The following SNTG2 variants were observed in gnomAD, a reference collection of about 807,000 sequenced individuals.
SNTG2 encodes syntrophin gamma 2, also known as gamma-2-syntrophin.
SNTG2 carries 74 observed loss-of-function variants against 70.9 expected under a neutral mutation model. That is an observed-to-expected ratio of 1.04 (90% CI 0.86 to 1.27). The LOEUF (loss-of-function observed/expected upper bound fraction) is 1.27, where lower values mean the gene tolerates loss of function less well. SNTG2 is among the 50% of genes most tolerant of loss of function. The pLI is 0.00. For synonymous variants in SNTG2, 278 were observed against 273.8 expected, an observed-to-expected ratio of 1.02 and a Z score of -0.15; for missense variants, 717 against 690.7, an observed-to-expected ratio of 1.04 and a Z score of -0.43.
chr2:1,351,188 C>T (rs1255345725), intron 16 of SNTG2, among the ~76,000 whole-genome samples: 3 of 151,804 alleles, frequency 2.0e-5, no homozygotes, highest in Non-Finnish European at 4.4e-5. Context: ...TCTGGAGCTA[C>T]GGTAAAGTGC....
chr2:976,346 G>A (rs1660905618), intron 1 of SNTG2, among the ~76,000 whole-genome samples: 1 of 152,204 alleles, frequency 6.6e-6, no homozygotes, highest in Non-Finnish European at 1.5e-5. Flanking sequence ...CCAGCACGCT[G>A]TGACATATCG....
chr2:1,008,135 A>G (rs920729721), intron 1 of SNTG2, among the ~76,000 whole-genome samples: 5 of 152,196 alleles, frequency 3.3e-5, no homozygotes, highest in Non-Finnish European at 5.9e-5. Flanking sequence ...AATAACTTAT[A>G]TTGAAGACAC....
At chr2:1,080,482 A>G (rs1015312863) in intron 1 of SNTG2, among the ~76,000 whole-genome samples, 2 of 151,910 alleles carry the variant, frequency 1.3e-5, no homozygotes, top group Non-Finnish European at 2.9e-5. Context: ...GTATGTGCCT[A>G]TGTGTATGTG....
intron 12 of SNTG2, among the ~76,000 whole-genome samples, chr2:1,253,351 G>A (rs936287036): frequency 3.8e-5 from 5 of 131,096 alleles, no homozygotes; most frequent in African/African-American, 1.4e-4. Flanking sequence ...GGGGCCATCC[G>A]TGTAAATGTC....
At chr2:1,095,498 T>C (rs1440835972) in intron 2 of SNTG2, among the ~76,000 whole-genome samples, 3 of 152,198 alleles carry the variant, frequency 2.0e-5, no homozygotes, top group Non-Finnish European at 4.4e-5. Flanking sequence ...ATATTTATGT[T>C]GGTTGTTAAT....
chr2:1,242,244 T>A (rs1356729782), intron 11 of SNTG2, among the ~76,000 whole-genome samples: 1 of 152,198 alleles, frequency 6.6e-6, no homozygotes, highest in East Asian at 1.9e-4. Context: ...AAGAAAATTT[T>A]TTTTCACTCT....
In SNTG2 at chr2:1,197,515, A is replaced by ATGTGTGTG. The variant is rs71299845; in HGVS notation, c.592-11560_592-11553dup. 5.1e-3 allele frequency among the ~76,000 whole-genome samples: 655 copies of ATGTGTGTG among 128,370 alleles called. 4 individuals are homozygous for ATGTGTGTG. Among genetic ancestry groups the ATGTGTGTG allele is most frequent in the East Asian group, 0.018 (66 of 3,608 alleles). The allele number at this position is 128,370 out of a possible 152,430, so 84.2% of individuals were successfully genotyped here. ...TATGTATATATGTGTATGTATATATATGTGTGTGTGTGTGTGTGTGTGTGT... is the reference window on the plus strand; with the variant it reads ...TATGTATATATGTGTATGTATATATATGTGTGTGTGTGTGTGTGTGTGTGTGTGTGTGT... On this transcript the variant is annotated intron_variant, in intron 8 of 16. Transcript: ENST00000308624.
chr2:1,314,655 T>A (rs1681184438), intron 15 of SNTG2, among the ~76,000 whole-genome samples: 1 of 152,204 alleles, frequency 6.6e-6, no homozygotes, highest in South Asian at 2.1e-4. Context: ...GCTTCACTTC[T>A]GGAATTGACA....
In SNTG2 at chr2:996,292, C is replaced by T. The variant is rs375659966; in HGVS notation, c.72+45224C>T. On this transcript the variant is annotated intron_variant, in intron 1 of 16. Transcript: ENST00000308624. ...CAAACACTTACCTTTCTGGCAACTTCGACTGCCAGAAATCAGCTCAGAAGT... is the reference window on the plus strand; with the variant it reads ...CAAACACTTACCTTTCTGGCAACTTTGACTGCCAGAAATCAGCTCAGAAGT... Among the ~76,000 whole-genome samples, 11 of 152,276 alleles carry T rather than the reference C, an allele frequency of 7.2e-5. No individual in the cohort carries two copies. The East Asian group carries it at 9.7e-4, about 13-fold the overall frequency.
At position 1,288,393 on chromosome 2, in the gene SNTG2, C is replaced by T. The variant is rs114218754; in HGVS notation, c.1285-20101C>T. Among the ~76,000 whole-genome samples, 267 of 152,228 alleles carry T rather than the reference C, an allele frequency of 1.8e-3. 1 individual carries two copies. The highest frequency in any genetic ancestry group is 3.4e-3 in the Middle Eastern group (1 of 294). ...GAAGGTCTGAAGAAGAAATTTGTAT[C>T]GCCAAAAACATAAATTTAACTAAGT... On this transcript the variant is annotated intron_variant, in intron 14 of 16. Transcript: ENST00000308624.
intron 1 of SNTG2, among the ~76,000 whole-genome samples, chr2:1,074,478 G>A (rs1248481589): frequency 2.0e-5 from 3 of 152,144 alleles, no homozygotes; most frequent in African/African-American, 4.8e-5. Flanking sequence ...ATAAACAGTG[G>A]TCTTTACATT....
chr2:1,155,837 A>G (rs1384907931), intron 6 of SNTG2, among the ~76,000 whole-genome samples: 1 of 152,090 alleles, frequency 6.6e-6, no homozygotes, highest in Non-Finnish European at 1.5e-5. Context: ...TGGACTTAGG[A>G]GCCCTGGACT....
chr2:1,311,249 C>CT (rs1179563467), intron 15 of SNTG2, among the ~76,000 whole-genome samples: 1 of 152,212 alleles, frequency 6.6e-6, no homozygotes, highest in African/African-American at 2.4e-5. Context: ...CCCTGACCTG[C>CT]TGACCTATTT....
At chr2:1,001,689 A>G (rs1337949857) in intron 1 of SNTG2, among the ~76,000 whole-genome samples, 1 of 152,006 alleles carries the variant, frequency 6.6e-6, no homozygotes, top group East Asian at 1.9e-4. Flanking sequence ...TAACCATACT[A>G]CCCAAAGCAA....
At chr2:1,093,533 A>G (rs148325098) in intron 2 of SNTG2, among the ~76,000 whole-genome samples, 159 of 152,352 alleles carry the variant, frequency 1.0e-3, no homozygotes, top group African/African-American at 3.7e-3. Context: ...GTTCCTAGAT[A>G]TGCTAATGTT....
intron 1 of SNTG2, among the ~76,000 whole-genome samples, chr2:999,677 A>G (rs1052848873): frequency 1.1e-4 from 16 of 152,178 alleles, no homozygotes; most frequent in Admixed American, 3.3e-4. Flanking sequence ...TAGCAATACA[A>G]TAATAGTGGG....
At chr2:1,052,817 G>A (rs895857814) in intron 1 of SNTG2, among the ~76,000 whole-genome samples, 3 of 152,170 alleles carry the variant, frequency 2.0e-5, no homozygotes, top group East Asian at 1.9e-4. Context: ...GGATGAGGTC[G>A]CTGATTTTCA....
intron 6 of SNTG2, chr2:1,161,511 T>G (rs970171928): frequency 4.6e-5 from 7 of 152,218 alleles, no homozygotes; most frequent in African/African-American, 1.7e-4. Context: ...CCAGGGTCTC[T>G]CCCAGTGCCG....
intron 4 of SNTG2, among the ~76,000 whole-genome samples, chr2:1,104,521 T>C (rs975791021): frequency 3.3e-5 from 5 of 152,228 alleles, no homozygotes; most frequent in Non-Finnish European, 7.3e-5. Flanking sequence ...TCAATAGACT[T>C]CTAATGTGCA....
Sources: allele counts gnomAD v4.1 joint callset (sites outside exome capture counted in the v4.1 genomes callset), GRCh38; gene constraint gnomAD v4.1.1; transcripts MANE v1.5; gene names NCBI Gene and HGNC (gene_info 2026-07-23, HGNC 2026-07-21).